The following MGMT variants were observed in gnomAD, a reference collection of about 807,000 sequenced individuals.
MGMT encodes methylated-DNA--protein-cysteine methyltransferase.
MGMT carries 14 observed loss-of-function variants against 15.9 expected under a neutral mutation model. That is an observed-to-expected ratio of 0.88 (90% CI 0.58 to 1.37). The LOEUF is 1.37. Ranked by LOEUF, MGMT falls within the 40% of genes most tolerant of loss-of-function variation. The probability of loss-of-function intolerance (pLI) is 0.00; values close to 1 mark genes in which losing one functional copy is unlikely to be tolerated. For synonymous variants in MGMT, 130 were observed against 118.2 expected (o/e 1.10, Z -0.65); for missense variants, 282 against 268.1 (o/e 1.05, Z -0.36).
At chr10:129,582,279 T>C (rs920193276) in intron 2 of MGMT, among the ~76,000 whole-genome samples, 1 of 152,184 alleles carries the variant, frequency 6.6e-6, no homozygotes, top group Non-Finnish European at 1.5e-5. Flanking sequence ...GCTGTGACCA[T>C]TGTGATCTGA....
intron 1 of MGMT, among the ~76,000 whole-genome samples, chr10:129,528,694 G>A (rs1337640903): frequency 2.6e-5 from 4 of 151,826 alleles, no homozygotes; most frequent in African/African-American, 9.7e-5. Flanking sequence ...TGCGGTGGTG[G>A]AGTAGCTCAC....
At chr10:129,726,347 G>A (rs922253883) in intron 3 of MGMT, among the ~76,000 whole-genome samples, 2 of 152,122 alleles carry the variant, frequency 1.3e-5, no homozygotes, top group Non-Finnish European at 2.9e-5. Context: ...ACGTGCAGGT[G>A]GAGTCCAGGC....
intron 2 of MGMT, among the ~76,000 whole-genome samples, chr10:129,562,477 G>A (rs185702227): frequency 1.3e-5 from 2 of 152,342 alleles, no homozygotes; most frequent in East Asian, 3.9e-4. Context: ...TGGAATAACT[G>A]CATTAAATGT....
intron 3 of MGMT, among the ~76,000 whole-genome samples, chr10:129,730,620 C>T (rs978131154): frequency 6.6e-6 from 1 of 152,174 alleles, no homozygotes; most frequent in Non-Finnish European, 1.5e-5. Flanking sequence ...CTTGATTTCC[C>T]TCCCTTCTAT....
chr10:129,579,075 A>G (rs1040375125), intron 2 of MGMT, among the ~76,000 whole-genome samples: 1 of 152,146 alleles, frequency 6.6e-6, no homozygotes, highest in East Asian at 1.9e-4. Flanking sequence ...GATTTCTGTT[A>G]TATTGACCTA....
chr10:129,477,497 G>C (rs1333950479), intron 1 of MGMT, among the ~76,000 whole-genome samples: 1 of 152,174 alleles, frequency 6.6e-6, no homozygotes, highest in East Asian at 1.9e-4. Context: ...GGAAATTAAG[G>C]CTAACTGAGT....
intron 2 of MGMT, among the ~76,000 whole-genome samples, chr10:129,669,428 T>G (rs1405558691): frequency 1.3e-5 from 2 of 152,214 alleles, no homozygotes; most frequent in Admixed American, 1.3e-4. Flanking sequence ...TTTTTCTTAT[T>G]TTTTTGTTTG....
intron 1 of MGMT, among the ~76,000 whole-genome samples, chr10:129,525,364 C>T (rs1845857795): frequency 6.6e-6 from 1 of 152,122 alleles, no homozygotes; most frequent in African/African-American, 2.4e-5. Context: ...ATTTAAAGAC[C>T]AGTGAACAGA....
In MGMT at chr10:129,570,399, G is replaced by A. The variant is rs971507137; in HGVS notation, c.125+34022G>A. ...GTGTCACCAAATATGCTGCAGATCCGGGGCCAGCCCACCTGGGCCTCCGGC... is the reference window on the plus strand; with the variant it reads ...GTGTCACCAAATATGCTGCAGATCCAGGGCCAGCCCACCTGGGCCTCCGGC... On this transcript the variant is annotated intron_variant, in intron 2 of 4. Coordinates refer to ENST00000651593, the MANE Select transcript of MGMT (RefSeq NM_002412.5). Among the ~76,000 whole-genome samples the A allele has an allele frequency of 6.6e-5, 10 of 152,380 alleles. 1 individual carries two copies. The highest frequency in any genetic ancestry group is 7.3e-5 in the Non-Finnish European group (5 of 68,038).
intron 4 of MGMT, 147 bp from the exon 5 acceptor site, chr10:129,766,641 G>A (rs994566240): frequency 1.5e-6 from 1 of 680,390 alleles, no homozygotes; most frequent in South Asian, 1.9e-5. Context: ...AGACATAGCT[G>A]ACACCCACCC....
At chr10:129,712,960 A>ATG (rs1300041963) in intron 3 of MGMT, among the ~76,000 whole-genome samples, 3 of 152,112 alleles carry the variant, frequency 2.0e-5, no homozygotes, top group Non-Finnish European at 4.4e-5. Flanking sequence ...TGTTCTTAAA[A>ATG]TGTGCCTTAT....
At chr10:129,489,352 T>G (rs1170302790) in intron 1 of MGMT, among the ~76,000 whole-genome samples, 1 of 111,282 alleles carries the variant, frequency 9.0e-6, no homozygotes, top group African/African-American at 3.8e-5. Context: ...AGTGCAGGAC[T>G]CTGTCTCAAA....
chr10:129,575,454 A>G (rs2133042245), intron 2 of MGMT, among the ~76,000 whole-genome samples: 1 of 151,130 alleles, frequency 6.6e-6, no homozygotes, highest in African/African-American at 2.4e-5. Flanking sequence ...TAACGAAATG[A>G]AGGCAGAAAT....
chr10:129,558,540 G>A (rs1415174224), intron 2 of MGMT, among the ~76,000 whole-genome samples: 2 of 152,170 alleles, frequency 1.3e-5, no homozygotes, highest in Non-Finnish European at 2.9e-5. Flanking sequence ...TGGTGGGGAG[G>A]TGTGTGTGTT....
intron 2 of MGMT, among the ~76,000 whole-genome samples, chr10:129,604,794 G>A (rs903247849): frequency 3.0e-5 from 4 of 134,396 alleles, no homozygotes; most frequent in African/African-American, 5.6e-5. Context: ...TTTTCACAAT[G>A]ATGTCTCCAA....
chr10:129,653,722 A>C (rs950217590), intron 2 of MGMT, among the ~76,000 whole-genome samples: 2 of 152,228 alleles, frequency 1.3e-5, no homozygotes, highest in African/African-American at 4.8e-5. Context: ...AGCCGAATGG[A>C]CAGGCCTCAG....
intron 3 of MGMT, among the ~76,000 whole-genome samples, chr10:129,712,876 G>A (rs1848248530): frequency 6.6e-6 from 1 of 152,170 alleles, no homozygotes; most frequent in African/African-American, 2.4e-5. Context: ...CCTGATGGGT[G>A]CCCAAGTAGA....
intron 2 of MGMT, among the ~76,000 whole-genome samples, chr10:129,543,391 A>T (rs955797919): frequency 1.3e-5 from 2 of 152,176 alleles, no homozygotes; most frequent in Non-Finnish European, 2.9e-5. Context: ...TCCTCTCTAC[A>T]GCACTGCGGA....
chr10:129,635,918 C>T (rs1466549638), intron 2 of MGMT, among the ~76,000 whole-genome samples: 1 of 152,160 alleles, frequency 6.6e-6, no homozygotes. Flanking sequence ...GTAATCACTC[C>T]AGAATATATA....
Sources: allele counts gnomAD v4.1 joint callset (sites outside exome capture counted in the v4.1 genomes callset), GRCh38; gene constraint gnomAD v4.1.1; transcripts MANE v1.5; gene names NCBI Gene and HGNC (gene_info 2026-07-23, HGNC 2026-07-21).